Variants in LEMD3 observed in about 807,000 individuals in gnomAD.
LEMD3 encodes inner nuclear membrane protein Man1.
A neutral mutation model predicts 95.2 loss-of-function variants in LEMD3; 33 were observed. The ratio of observed to expected loss-of-function variants is 0.35; its 90% CI spans 0.26 to 0.46. LEMD3 has a LOEUF of 0.46. Among genes scored for constraint, LEMD3 ranks in the 20% least tolerant of loss-of-function variants. The pLI is 1.00. For missense variants in LEMD3, 1,210 were observed against 1,192.8 expected (o/e 1.01, Z -0.21); for synonymous variants, 525 against 474.6 (o/e 1.11, Z -1.38).
chr12:65,170,318 G>C lies in LEMD3; in HGVS notation c.722G>C (p.Ser241Thr). Residue 241 changes from serine to threonine, a missense_variant, in exon 1 of 13, where the codon AGC becomes ACC. Ser to Thr is a moderately conservative substitution (Grantham distance 58). This residue lies in a region of LEMD3 where 749 missense variants were observed against 622.9 expected (regional missense o/e 1.20). Coordinates refer to ENST00000308330, the MANE Select transcript of LEMD3 (RefSeq NM_014319.5). ...GAGACCGAGGAGCCGCTCTGGGCGA[G>C]CCGGACCGTGAATGGCAGCCGGCTT... ...DPETEEPLWA[S>T]RTVNGSRLVP... is the part of the protein sequence containing the mutation. The C allele has an allele frequency of 6.3e-7, 1 of 1,596,896 alleles. No individual in the cohort carries two copies. The highest frequency in any genetic ancestry group is 8.5e-7 in the Non-Finnish European group (1 of 1,171,490).
intron 1 of LEMD3, among the ~76,000 whole-genome samples, chr12:65,205,678 T>A (rs1869738911): frequency 6.6e-6 from 1 of 152,118 alleles, no homozygotes; most frequent in Non-Finnish European, 1.5e-5. Flanking sequence ...GGAGAGGCTT[T>A]TGTGTTCTTG....
At position 65,216,005 on chromosome 12, in the gene LEMD3, CATTAT is replaced by C; in HGVS notation, c.1592_1596del (p.Leu531Ter). The C allele has an allele frequency of 6.3e-7, 1 of 1,578,964 alleles. No individual in the cohort carries two copies. The highest frequency in any genetic ancestry group is 8.7e-7 in the Non-Finnish European group (1 of 1,154,850). ...AGTGAAAAAACTCTTATGATGAACA[CATTAT>C]ATAAGCTTCATGATCGATTGGCACA... On this transcript the variant is annotated frameshift_variant, in exon 3 of 13. Coordinates refer to ENST00000308330, the MANE Select transcript of LEMD3 (RefSeq NM_014319.5). LOFTEE classifies it high-confidence loss of function.
intron 1 of LEMD3, among the ~76,000 whole-genome samples, chr12:65,203,968 G>A (rs1869683551): frequency 6.6e-6 from 1 of 152,034 alleles, no homozygotes; most frequent in Non-Finnish European, 1.5e-5. Flanking sequence ...TGTTTTATTA[G>A]TGTTAGCATG....
At chr12:65,205,799 T>C (rs1417928967) in intron 1 of LEMD3, among the ~76,000 whole-genome samples, 3 of 152,186 alleles carry the variant, frequency 2.0e-5, no homozygotes, top group Non-Finnish European at 4.4e-5. Flanking sequence ...AGGGTGGTGG[T>C]ACAAGAGTTT....
At chr12:65,246,075 G>A in intron 12 of LEMD3, 87 bp from the exon 13 acceptor site, 1 of 1,246,536 alleles carries the variant, frequency 8.0e-7, no homozygotes, top group Non-Finnish European at 1.2e-6. Flanking sequence ...TTTATGTTTT[G>A]TGCTCATATG....
intron 1 of LEMD3, among the ~76,000 whole-genome samples, chr12:65,207,942 TTGG>T (rs1293419780): frequency 1.3e-5 from 2 of 152,004 alleles, no homozygotes; most frequent in African/African-American, 4.8e-5. Context: ...ATTTTTGGAA[TTGG>T]TGGGGGTAGA....
intron 1 of LEMD3, among the ~76,000 whole-genome samples, chr12:65,184,624 T>G (rs1415646265): frequency 6.6e-6 from 1 of 152,168 alleles, no homozygotes; most frequent in African/African-American, 2.4e-5. Context: ...CAATAACTTC[T>G]AAGTGCTCAA....
intron 1 of LEMD3, among the ~76,000 whole-genome samples, chr12:65,194,064 A>G (rs1327936538): frequency 6.6e-6 from 1 of 152,100 alleles, no homozygotes; most frequent in Non-Finnish European, 1.5e-5. Flanking sequence ...AGATTTACCC[A>G]AGTTATGTGA....
chr12:65,191,416 G>A (rs1869235776), intron 1 of LEMD3, among the ~76,000 whole-genome samples: 1 of 152,032 alleles, frequency 6.6e-6, no homozygotes, highest in Non-Finnish European at 1.5e-5. Flanking sequence ...TATCAGATTT[G>A]TAGGAATTTC....
At chr12:65,218,473 A>G in intron 3 of LEMD3, 79 bp from the exon 4 acceptor site, 1 of 793,972 alleles carries the variant, frequency 1.3e-6, no homozygotes, top group Non-Finnish European at 2.1e-6. Context: ...AATGTATAAA[A>G]TATTTGAATT....
intron 4 of LEMD3, among the ~76,000 whole-genome samples, chr12:65,227,223 A>G (rs975744528): frequency 6.6e-6 from 1 of 152,200 alleles, no homozygotes; most frequent in Non-Finnish European, 1.5e-5. Context: ...TATTCCTTAT[A>G]AAATAATTGA....
intron 2 of LEMD3, among the ~76,000 whole-genome samples, chr12:65,211,851 A>G (rs895947912): frequency 6.6e-6 from 1 of 152,228 alleles, no homozygotes; most frequent in Non-Finnish European, 1.5e-5. Context: ...CTTCTGTTTA[A>G]TTTTCCCCAA....
chr12:65,223,139 C>G (rs1039438266), intron 4 of LEMD3, among the ~76,000 whole-genome samples: 22 of 152,120 alleles, frequency 1.4e-4, no homozygotes, highest in African/African-American at 4.6e-4. Context: ...CTGTATATTT[C>G]TGTTAGATCC....
At chr12:65,179,629 G>A (rs924089741) in intron 1 of LEMD3, among the ~76,000 whole-genome samples, 17 of 152,110 alleles carry the variant, frequency 1.1e-4, no homozygotes, top group Non-Finnish European at 1.5e-4. Flanking sequence ...CTAGGGGTGG[G>A]GAGAATATCA....
rs375077046 is a variant in LEMD3, at chr12:65,187,625, A to G, written c.1522+16507A>G. Among the ~76,000 whole-genome samples, 504 of 152,172 alleles carry G rather than the reference A, an allele frequency of 3.3e-3. 16 individuals carry two copies. In the South Asian group the frequency reaches 0.062, roughly 19 times the overall value. On this transcript the variant is annotated intron_variant, in intron 1 of 12. Transcript: ENST00000308330. ...TTTAAAAAAAAAAATCTCACATTCT[A>G]CTAGACTAGGAGTTCTTAAACAGTG...
At chr12:65,216,630 T>C (rs931672184) in intron 3 of LEMD3, among the ~76,000 whole-genome samples, 1 of 144,642 alleles carries the variant, frequency 6.9e-6, no homozygotes, top group African/African-American at 2.5e-5. Flanking sequence ...TTTTTAGTTC[T>C]TTTTTTTTTT....
At chr12:65,179,021 AG>A (rs1326295450) in intron 1 of LEMD3, among the ~76,000 whole-genome samples, 4 of 152,200 alleles carry the variant, frequency 2.6e-5, no homozygotes, top group African/African-American at 9.6e-5. Context: ...ATTAAGGGGG[AG>A]GGGGCATCTG....
At position 65,245,662 on chromosome 12, in the gene LEMD3, C is replaced by T. The variant is rs184015447; in HGVS notation, c.2388-7C>T. 628 of 1,606,924 alleles carry T rather than the reference C, an allele frequency of 3.9e-4. 4 individuals are homozygous for T. In the African/African-American group the frequency reaches 6.7e-3, roughly 17 times the overall value. On this transcript the variant is annotated splice_polypyrimidine_tract_variant and splice_region_variant and intron_variant, in intron 10 of 12. Transcript: ENST00000308330. ...GGTTGTTGATTTTTGTTTTCATTAA[C>T]TTTTAGGGAAATAGGGGATCAGTGG...
chr12:65,186,032 G>A (rs955436956), intron 1 of LEMD3, among the ~76,000 whole-genome samples: 1 of 151,984 alleles, frequency 6.6e-6, no homozygotes, highest in Non-Finnish European at 1.5e-5. Context: ...TTTATTTCAT[G>A]CTGAGATTGG....
Sources: gnomAD v4.1 joint callset for allele counts (sites outside exome capture counted in the v4.1 genomes callset) on GRCh38, gnomAD v4.1.1 for gene constraint, gnomAD v4.1.1 regional missense constraint, MANE v1.5 for transcripts, NCBI Gene and HGNC (gene_info 2026-07-23, HGNC 2026-07-21) for gene names.